The following GRXCR1 variants were observed in gnomAD, a reference collection of about 807,000 sequenced individuals.
The protein encoded by GRXCR1 is glutaredoxin and cysteine rich domain containing 1.
A neutral mutation model predicts 27.3 loss-of-function variants in GRXCR1; 27 were observed. That is an observed-to-expected ratio of 0.99 (90% CI 0.73 to 1.37). The LOEUF (loss-of-function observed/expected upper bound fraction) is 1.37. Ranked by LOEUF, GRXCR1 falls within the 40% of genes most tolerant of loss-of-function variation. GRXCR1 has a pLI of 0.00. For missense variants in GRXCR1, 379 were observed against 354.4 expected (o/e 1.07, Z -0.56); for synonymous variants, 122 against 131.1 (o/e 0.93, Z 0.47).
intron 2 of GRXCR1, among the ~76,000 whole-genome samples, chr4:42,986,641 T>C (rs1448168029): frequency 6.6e-6 from 1 of 152,234 alleles, no homozygotes; most frequent in Non-Finnish European, 1.5e-5. Flanking sequence ...ACTCCACGTA[T>C]GGTTTCTCTT....
In GRXCR1 at chr4:42,925,103, GAGA is replaced by G. The variant is rs563311982; in HGVS notation, c.384+31457_384+31459del. Among the ~76,000 whole-genome samples the G allele has an allele frequency of 5.0e-4, 76 of 152,024 alleles. 1 individual carries two copies. The South Asian group carries it at 6.8e-3, about 14-fold the overall frequency. On this transcript the variant is annotated intron_variant, in intron 1 of 3. Coordinates refer to ENST00000399770, the MANE Select transcript of GRXCR1 (RefSeq NM_001080476.3). ...GCTTATGAGGAGTTTCTGGAAGCAT[GAGA>G]AGATGTCTGAGTATATTTAAAGAGC...
chr4:42,907,923 T>C (rs990601359), intron 1 of GRXCR1, among the ~76,000 whole-genome samples: 1 of 152,190 alleles, frequency 6.6e-6, no homozygotes, highest in African/African-American at 2.4e-5. Flanking sequence ...AATATGCTCC[T>C]ACAGCTTCCC....
chr4:42,917,738 GA>G, intron 1 of GRXCR1, among the ~76,000 whole-genome samples: 2 of 152,084 alleles, frequency 1.3e-5, no homozygotes, highest in Admixed American at 1.3e-4. Context: ...GGGGAAACAG[GA>G]TGAACGGGGG....
intron 2 of GRXCR1, among the ~76,000 whole-genome samples, chr4:42,963,561 C>T (rs1412244897): frequency 6.6e-6 from 1 of 151,786 alleles, no homozygotes; most frequent in East Asian, 1.9e-4. Flanking sequence ...GAAATGAAAT[C>T]AATAAGAAAT....
At chr4:43,026,889 A>T (rs1372225213) in intron 3 of GRXCR1, among the ~76,000 whole-genome samples, 1 of 152,186 alleles carries the variant, frequency 6.6e-6, no homozygotes, top group Non-Finnish European at 1.5e-5. Flanking sequence ...GAAATAGCTA[A>T]TTTTTCCTGA....
chr4:43,009,152 G>C (rs1482624803), intron 2 of GRXCR1, among the ~76,000 whole-genome samples: 1 of 152,170 alleles, frequency 6.6e-6, no homozygotes, highest in Non-Finnish European at 1.5e-5. Context: ...TCTTAATCCA[G>C]ATTTAGAGAC....
chr4:43,014,344 A>G (rs1175617922), intron 2 of GRXCR1, among the ~76,000 whole-genome samples: 1 of 152,134 alleles, frequency 6.6e-6, no homozygotes, highest in African/African-American at 2.4e-5. Context: ...GCCCATCTCC[A>G]AGCAGAGTTG....
intron 3 of GRXCR1, among the ~76,000 whole-genome samples, chr4:43,029,592 T>C (rs749861889): frequency 7.9e-5 from 12 of 152,184 alleles, no homozygotes; most frequent in Non-Finnish European, 1.2e-4. Context: ...AAAGTATTAC[T>C]CTCAACACAC....
chr4:42,949,354 C>CAAAAAAAAAAAAAAAAA (rs10622265), intron 1 of GRXCR1, among the ~76,000 whole-genome samples: 1 of 81,122 alleles, frequency 1.2e-5, no homozygotes, highest in Non-Finnish European at 2.3e-5. Context: ...GACTCCATCT[C>CAAAAAAAAAAAAAAAAA]AAAAAAAAAA....
chr4:42,955,743 C>A (rs1428422488), intron 1 of GRXCR1, among the ~76,000 whole-genome samples: 4 of 152,052 alleles, frequency 2.6e-5, no homozygotes, highest in Non-Finnish European at 5.9e-5. Flanking sequence ...GGTCTGAATT[C>A]TTGCAGCTTT....
chr4:42,999,217 C>T (rs371843774), intron 2 of GRXCR1, among the ~76,000 whole-genome samples: 15 of 152,212 alleles, frequency 9.9e-5, no homozygotes, highest in African/African-American at 3.6e-4. Flanking sequence ...GCACTACAGT[C>T]AACCTTGATG....
At chr4:42,956,319 A>G (rs983283262) in intron 1 of GRXCR1, among the ~76,000 whole-genome samples, 3 of 152,036 alleles carry the variant, frequency 2.0e-5, no homozygotes, top group Admixed American at 2.0e-4. Flanking sequence ...TCCATCCTTC[A>G]TACGCTATTC....
At chr4:42,905,760 T>A (rs541419726) in intron 1 of GRXCR1, among the ~76,000 whole-genome samples, 3 of 152,298 alleles carry the variant, frequency 2.0e-5, no homozygotes, top group East Asian at 3.9e-4. Context: ...AAATTACCGA[T>A]GCATTCTGTT....
chr4:42,917,918 G>C (rs769303822), intron 1 of GRXCR1, among the ~76,000 whole-genome samples: 2 of 152,114 alleles, frequency 1.3e-5, no homozygotes, highest in Non-Finnish European at 2.9e-5. Context: ...GGCATTTTAG[G>C]ATTCCAGAAA....
chr4:42,899,722 A>C (rs1243208952), intron 1 of GRXCR1, among the ~76,000 whole-genome samples: 1 of 152,164 alleles, frequency 6.6e-6, no homozygotes. Flanking sequence ...CGACTTATCC[A>C]AGTTCTACTC....
intron 2 of GRXCR1, among the ~76,000 whole-genome samples, chr4:43,019,260 G>T (rs748640924): frequency 9.9e-5 from 15 of 152,032 alleles, no homozygotes; most frequent in Non-Finnish European, 1.9e-4. Context: ...ATTCTACCCT[G>T]TGGGTTAGTT....
At chr4:42,896,812 T>C (rs1378862030) in intron 1 of GRXCR1, among the ~76,000 whole-genome samples, 3 of 152,126 alleles carry the variant, frequency 2.0e-5, no homozygotes, top group Admixed American at 2.0e-4. Context: ...AGATATGCAA[T>C]GACTTGTTAT....
intron 2 of GRXCR1, among the ~76,000 whole-genome samples, chr4:42,996,871 C>T (rs562873307): frequency 3.3e-5 from 5 of 151,992 alleles, no homozygotes; most frequent in South Asian, 2.1e-4. Context: ...AAAAGTCTTA[C>T]AATACGTATG....
Position 42,924,701 on chromosome 4 carries a change from C to T in GRXCR1, c.384+31051C>T, listed in dbSNP as rs546807540. ...TTCCTGCCTGCCCTCCTAGAACTTACTTCCTAATTAGAGGCAAATACTAAT... is the reference window on the plus strand; with the variant it reads ...TTCCTGCCTGCCCTCCTAGAACTTATTTCCTAATTAGAGGCAAATACTAAT... On this transcript the variant is annotated intron_variant, in intron 1 of 3. Transcript: ENST00000399770. Among the ~76,000 whole-genome samples the T allele has an allele frequency of 1.6e-4, 24 of 152,188 alleles. No individual in the cohort carries two copies. In the South Asian group the frequency reaches 4.8e-3, roughly 30 times the overall value.
Sources: gnomAD v4.1 joint callset for allele counts (sites outside exome capture counted in the v4.1 genomes callset) on GRCh38, gnomAD v4.1.1 for gene constraint, MANE v1.5 for transcripts, NCBI Gene and HGNC (gene_info 2026-07-23, HGNC 2026-07-21) for gene names.